The following DISC1 variants were observed in gnomAD, a reference collection of about 807,000 sequenced individuals.
DISC1 encodes the protein disrupted in schizophrenia 1 protein.
A neutral mutation model predicts 84.5 loss-of-function variants in DISC1; 57 were observed. That is an observed-to-expected ratio of 0.67 (90% confidence interval 0.55 to 0.84). The LOEUF is 0.84. Among genes scored for constraint, DISC1 ranks in the 40% least tolerant of loss-of-function variants. The pLI, the probability that DISC1 is intolerant of heterozygous loss-of-function variation, is 0.00. For synonymous variants in DISC1, 411 were observed against 415.2 expected, an observed-to-expected ratio of 0.99 and a Z score of 0.12; for missense variants, 1,000 against 1,057.8, an observed-to-expected ratio of 0.95 and a Z score of 0.76.
Position 231,722,881 on chromosome 1 carries a change from C to T in DISC1, c.1117+20857C>T, listed in dbSNP as rs1435902822. 22 of 1,374,548 alleles carry T rather than the reference C, an allele frequency of 1.6e-5. No homozygotes were observed. The East Asian group carries it at 6.1e-4, about 38-fold the overall frequency. 85.1% of individuals were successfully genotyped at this position (1,374,548 alleles called of 1,614,324 possible). The stretch of plus-strand genomic sequence containing the variant: ...AGTCCCCTGTCATGGCATGAAAAAA[C>T]CGCTATTGTTCTGTGTTGGGACAAT... On this transcript the variant is annotated intron_variant, in intron 3 of 12. Transcript: ENST00000439617.
chr1:231,792,153 G>A (rs999510413), intron 6 of DISC1, among the ~76,000 whole-genome samples: 3 of 152,092 alleles, frequency 2.0e-5, no homozygotes, highest in African/African-American at 7.2e-5. Flanking sequence ...TAATTGGGAA[G>A]GCAAATCTGT....
chr1:231,771,002 C>T lies in DISC1; in HGVS notation c.1566C>T (p.Ala522=). The T allele has an allele frequency of 1.2e-6, 2 of 1,613,212 alleles. No individual in the cohort carries two copies. The highest frequency in any genetic ancestry group is 1.7e-6 in the Non-Finnish European group (2 of 1,179,586). ...GTCAGCTGCAGGAGGTCAGCAAGGC[C>T]TTGCAGGACACCCTGGCCTCAGCCG... ...SLGQLQEVSK[A]LQDTLASAGQ... Residue 522 remains alanine (A), a synonymous_variant, in exon 6 of 13, where the codon GCC becomes GCT. Transcript: ENST00000439617.
chr1:231,919,187 C>T (rs1043122521), intron 9 of DISC1, among the ~76,000 whole-genome samples: 4 of 152,150 alleles, frequency 2.6e-5, no homozygotes, highest in Non-Finnish European at 4.4e-5. Context: ...TGACAGATCA[C>T]GAGTATAATT....
chr1:231,907,069 C>CCCTCCCTTCCTTCCTTCCTTT (rs1558717161), intron 9 of DISC1, among the ~76,000 whole-genome samples: 2 of 101,606 alleles, frequency 2.0e-5, no homozygotes, highest in African/African-American at 7.4e-5. Flanking sequence ...TTCCTTCCTT[C>CCCTCCCTTCCTTCCTTCCTTT]CCTCCCTCCC....
chr1:231,652,061 C>T lies in DISC1; in HGVS notation c.67+25127C>T, dbSNP rs114369791. ...TGTGCTTCCTGGGTGAGATAATGCC[C>T]CGCCCTGCTTCGGCTCACCCTGTGT... On this transcript the variant is annotated intron_variant, in intron 1 of 12. Coordinates refer to ENST00000439617, the MANE Select transcript of DISC1 (RefSeq NM_018662.3). 2.5e-3 allele frequency among the ~76,000 whole-genome samples: 376 copies of T among 152,322 alleles called. 6 individuals are homozygous for T. The highest frequency in any genetic ancestry group is 8.6e-3 in the African/African-American group (359 of 41,566).
intron 4 of DISC1, among the ~76,000 whole-genome samples, chr1:231,758,728 A>G (rs1456416709): frequency 1.3e-5 from 2 of 152,180 alleles, no homozygotes; most frequent in African/African-American, 4.8e-5. Flanking sequence ...CAATCAAAGG[A>G]AAGTTATTTT....
chr1:232,018,966 G>A (rs1668715924), intron 11 of DISC1, among the ~76,000 whole-genome samples: 2 of 152,210 alleles, frequency 1.3e-5, no homozygotes, highest in Admixed American at 6.5e-5. Context: ...TGGGTGAAAT[G>A]ATCTCTTGGA....
rs548918658 is a variant in DISC1, at chr1:231,838,797, C to T, written c.1981+20280C>T. On this transcript the variant is annotated intron_variant, in intron 9 of 12. Coordinates refer to ENST00000439617, the MANE Select transcript of DISC1 (RefSeq NM_018662.3). ...TGAGCTTATATTTAAAACACCTGTG[C>T]GGCAGTGGACCCTTGTCACCGCCTG... is the stretch of plus-strand genomic sequence containing the variant. Among the ~76,000 whole-genome samples, 11 of 152,302 alleles carry T rather than the reference C, an allele frequency of 7.2e-5. No homozygotes were observed. The East Asian group carries it at 7.7e-4, about 11-fold the overall frequency.
chr1:231,700,239 A>C (rs1054811729), intron 2 of DISC1, among the ~76,000 whole-genome samples: 2 of 152,134 alleles, frequency 1.3e-5, no homozygotes, highest in South Asian at 2.1e-4. Flanking sequence ...TTATATGCAG[A>C]TTCTCTTCCA....
At chr1:231,807,216 A>G (rs935290374) in intron 8 of DISC1, among the ~76,000 whole-genome samples, 1 of 152,212 alleles carries the variant, frequency 6.6e-6, no homozygotes, top group African/African-American at 2.4e-5. Context: ...CCTGACTGGT[A>G]TCACAGTCCT....
At chr1:231,870,164 G>A (rs2085355177) in intron 9 of DISC1, among the ~76,000 whole-genome samples, 1 of 152,096 alleles carries the variant, frequency 6.6e-6, no homozygotes, top group Non-Finnish European at 1.5e-5. Flanking sequence ...TTTTGCCTGG[G>A]ATCATCAGGG....
intron 9 of DISC1, among the ~76,000 whole-genome samples, chr1:231,891,010 T>C (rs2087164624): frequency 6.6e-6 from 1 of 152,138 alleles, no homozygotes; most frequent in African/African-American, 2.4e-5. Context: ...ACAGAAGCCT[T>C]AGGAAACTGA....
At chr1:231,955,635 A>G (rs821591) in intron 9 of DISC1, among the ~76,000 whole-genome samples, 43,983 of 151,618 alleles carry the variant, frequency 0.29, 7,611 homozygotes, top group African/African-American at 0.48. Flanking sequence ...GATTACAGGC[A>G]CCCACCACCA....
At chr1:231,649,326 T>C in intron 1 of DISC1, among the ~76,000 whole-genome samples, 1 of 152,232 alleles carries the variant, frequency 6.6e-6, no homozygotes, top group East Asian at 1.9e-4. Context: ...CCAGTAGTCA[T>C]TCAGGAGCAG....
chr1:231,988,269 T>C (rs1435025243), intron 10 of DISC1, among the ~76,000 whole-genome samples: 1 of 152,204 alleles, frequency 6.6e-6, no homozygotes, highest in Non-Finnish European at 1.5e-5. Flanking sequence ...TGGGTGTATT[T>C]AAAAATGCAG....
chr1:231,644,049 G>A (rs2059938404), intron 1 of DISC1, among the ~76,000 whole-genome samples: 1 of 152,230 alleles, frequency 6.6e-6, no homozygotes, highest in African/African-American at 2.4e-5. Context: ...AGAGAAAGAT[G>A]TTATTTTTAG....
intron 9 of DISC1, among the ~76,000 whole-genome samples, chr1:231,870,149 C>T (rs945770586): frequency 6.6e-6 from 1 of 152,008 alleles, no homozygotes; most frequent in Non-Finnish European, 1.5e-5. Context: ...AACACTTGGC[C>T]ACCATTTTGC....
At chr1:231,753,027 C>A (rs1235893400) in intron 4 of DISC1, among the ~76,000 whole-genome samples, 4 of 152,246 alleles carry the variant, frequency 2.6e-5, no homozygotes, top group Non-Finnish European at 5.9e-5. Flanking sequence ...GATGCTGCAG[C>A]TGCTCTCACA....
At chr1:231,740,683 T>A (rs2073142586) in intron 3 of DISC1, among the ~76,000 whole-genome samples, 1 of 152,208 alleles carries the variant, frequency 6.6e-6, no homozygotes, top group Non-Finnish European at 1.5e-5. Flanking sequence ...TTTAGAGTAT[T>A]TGCACATATA....
Sources: gnomAD v4.1 joint callset for allele counts (sites outside exome capture counted in the v4.1 genomes callset) on GRCh38, gnomAD v4.1.1 for gene constraint, MANE v1.5 for transcripts, NCBI Gene and HGNC (gene_info 2026-07-23, HGNC 2026-07-21) for gene names.